ST3GAL6: variants seen among roughly 807,000 people sequenced by gnomAD.
ST3GAL6 encodes type 2 lactosamine alpha-2,3-sialyltransferase.
A neutral mutation model predicts 40.5 loss-of-function variants in ST3GAL6; 31 were observed. The ratio of observed to expected loss-of-function variants is 0.77; its 90% CI spans 0.58 to 1.03. The LOEUF (loss-of-function observed/expected upper bound fraction) is 1.03, where lower values mean the gene tolerates loss of function less well. ST3GAL6 is among the 50% of genes least tolerant of loss of function. The pLI, the probability that ST3GAL6 is intolerant of heterozygous loss-of-function variation, is 0.00. For missense variants in ST3GAL6, 357 were observed against 393.2 expected (o/e 0.91, Z 0.78); for synonymous variants, 129 against 136.9 (o/e 0.94, Z 0.40).
chr3:98,784,865 T>C, intron 5 of ST3GAL6, 80 bp from the exon 6 acceptor site: 12 of 1,158,626 alleles, frequency 1.0e-5, no homozygotes, highest in Non-Finnish European at 1.4e-5. Context: ...TGGCACTGGG[T>C]TTCTGACAGT....
chr3:98,784,125 A>G (rs1187909757), intron 5 of ST3GAL6, among the ~76,000 whole-genome samples: 1 of 152,320 alleles, frequency 6.6e-6, no homozygotes, highest in East Asian at 1.9e-4. Flanking sequence ...TTTCCATGCC[A>G]TGAGGGCCCT....
intron 2 of ST3GAL6, among the ~76,000 whole-genome samples, chr3:98,769,967 C>T (rs1056723603): frequency 1.3e-5 from 2 of 152,038 alleles, no homozygotes; most frequent in African/African-American, 2.4e-5. Context: ...TTGTGGTATT[C>T]ACAAAAGATG....
chr3:98,732,966 G>A, intron 1 of ST3GAL6: 1 of 1,502,780 alleles, frequency 6.7e-7, no homozygotes, highest in African/African-American at 1.4e-5. Flanking sequence ...GGGCCTCGGC[G>A]GGTCACTCTT....
chr3:98,762,077 A>G (rs1937837736), upstream of ST3GAL6, among the ~76,000 whole-genome samples: 1 of 114,232 alleles, frequency 8.8e-6, no homozygotes, highest in African/African-American at 3.3e-5. Context: ...TACATGTGCT[A>G]AGGACAGTGA....
intron 8 of ST3GAL6, among the ~76,000 whole-genome samples, chr3:98,789,876 T>C (rs1388790281): frequency 1.3e-5 from 2 of 152,226 alleles, no homozygotes. Flanking sequence ...GAACTAGCTG[T>C]AGCTACATCA....
At chr3:98,792,511 A>AT (rs1559758643) in intron 9 of ST3GAL6, among the ~76,000 whole-genome samples, 8 of 141,692 alleles carry the variant, frequency 5.6e-5, no homozygotes, top group South Asian at 2.2e-4. Context: ...TTTTAGTTTA[A>AT]ATTTTTTTTT....
chr3:98,741,651 A>G (rs1239251152), intron 1 of ST3GAL6, among the ~76,000 whole-genome samples: 1 of 152,176 alleles, frequency 6.6e-6, no homozygotes, highest in East Asian at 1.9e-4. Flanking sequence ...TGGCTTATAT[A>G]TTTATATCTC....
At chr3:98,764,538 T>A (rs1322019217) in intron 1 of ST3GAL6, among the ~76,000 whole-genome samples, 1 of 152,174 alleles carries the variant, frequency 6.6e-6, no homozygotes, top group Non-Finnish European at 1.5e-5. Context: ...GTTGGAGAAA[T>A]GTTCAGTAAT....
At chr3:98,769,904 G>A (rs1184098746) in intron 2 of ST3GAL6, among the ~76,000 whole-genome samples, 2 of 152,018 alleles carry the variant, frequency 1.3e-5, no homozygotes, top group Admixed American at 1.3e-4. Context: ...CTAGTGTGCT[G>A]GTCCACCATA....
intron 1 of ST3GAL6, among the ~76,000 whole-genome samples, chr3:98,757,743 G>A (rs151323186): frequency 6.6e-6 from 1 of 152,242 alleles, no homozygotes; most frequent in African/African-American, 2.4e-5. Flanking sequence ...AAAGCCTTTC[G>A]TAAAGGTTGG....
At chr3:98,734,483 G>C (rs1414728937) in intron 1 of ST3GAL6, among the ~76,000 whole-genome samples, 4 of 152,168 alleles carry the variant, frequency 2.6e-5, no homozygotes, top group African/African-American at 9.7e-5. Context: ...AGCTGTTCTT[G>C]TGGTCATGTA....
intron 1 of ST3GAL6, chr3:98,733,109 G>A: frequency 7.5e-7 from 1 of 1,340,268 alleles, no homozygotes; most frequent in Non-Finnish European, 9.6e-7. Flanking sequence ...CAGCCTCTGA[G>A]GCTCAGGGTT....
intron 5 of ST3GAL6, among the ~76,000 whole-genome samples, chr3:98,778,195 C>T (rs945528700): frequency 5.3e-5 from 8 of 152,172 alleles, no homozygotes; most frequent in African/African-American, 1.9e-4. Context: ...GACTAAAGCA[C>T]CTGTGTCAAG....
At chr3:98,739,952 G>A (rs953829941) in intron 1 of ST3GAL6, among the ~76,000 whole-genome samples, 3 of 152,122 alleles carry the variant, frequency 2.0e-5, no homozygotes, top group Admixed American at 6.5e-5. Flanking sequence ...AATTAAAGGA[G>A]CTTTCTGTTG....
intron 1 of ST3GAL6, among the ~76,000 whole-genome samples, chr3:98,736,919 G>A (rs544560643): frequency 2.6e-5 from 4 of 152,332 alleles, no homozygotes; most frequent in African/African-American, 9.6e-5. Flanking sequence ...GGGAGGAGAT[G>A]TAGTCAGTAA....
At chr3:98,763,838 A>G (rs1458585463) in intron 1 of ST3GAL6, among the ~76,000 whole-genome samples, 1 of 152,150 alleles carries the variant, frequency 6.6e-6, no homozygotes, top group East Asian at 1.9e-4. Context: ...TTAAGCACCC[A>G]GCAGCAGGAA....
At chr3:98,765,747 GT>G (rs1938253352) in intron 1 of ST3GAL6, among the ~76,000 whole-genome samples, 2 of 152,152 alleles carry the variant, frequency 1.3e-5, no homozygotes, top group African/African-American at 4.8e-5. Flanking sequence ...CATTGGTCCT[GT>G]TTAATGTCAA....
upstream of ST3GAL6, among the ~76,000 whole-genome samples, chr3:98,758,885 T>C (rs1298289880): frequency 3.9e-5 from 6 of 152,214 alleles, no homozygotes; most frequent in Non-Finnish European, 8.8e-5. Flanking sequence ...CTACTTGTAA[T>C]AGCTCTATTA....
At chr3:98,732,751 T>C in intron 1 of ST3GAL6, 1 of 1,101,824 alleles carries the variant, frequency 9.1e-7, no homozygotes, top group Non-Finnish European at 1.2e-6. Context: ...CGGGCAGGGC[T>C]GCTCCCTCCT....
Sources: allele counts gnomAD v4.1 joint callset (sites outside exome capture counted in the v4.1 genomes callset), GRCh38; gene constraint gnomAD v4.1.1; transcripts MANE v1.5; gene names NCBI Gene and HGNC (gene_info 2026-07-23, HGNC 2026-07-21).